The following ZC3H3 variants were observed in gnomAD, a reference collection of about 807,000 sequenced individuals.
ZC3H3 encodes the protein zinc finger CCCH-type containing 3, also known as zinc finger CCCH domain-containing protein 3.
ZC3H3 carries 36 observed loss-of-function variants against 77.3 expected under a neutral mutation model. That is an observed-to-expected ratio of 0.47 (90% CI 0.36 to 0.61). ZC3H3 has a LOEUF of 0.61. ZC3H3 is among the 20% of genes least tolerant of loss of function. The pLI, the probability that ZC3H3 is intolerant of heterozygous loss-of-function variation, is 0.00. For synonymous variants in ZC3H3, 626 were observed against 555.2 expected (o/e 1.13, Z -1.79); for missense variants, 1,331 against 1,312.2 (o/e 1.01, Z -0.22).
At chr8:143,508,037 C>A (rs1450632306) in intron 3 of ZC3H3, 138 bp from the exon 4 acceptor site, 4 of 1,058,492 alleles carry the variant, frequency 3.8e-6, no homozygotes, top group Non-Finnish European at 5.2e-6. Context: ...GTGGATAAAA[C>A]CCTCAACCCA....
Position 143,538,885 on chromosome 8 carries a change from T to G in ZC3H3, c.482A>C (p.Glu161Ala). Residue 161 changes from glutamate to alanine, a missense_variant, in exon 2 of 12, where the codon GAA (glutamate) becomes GCA (alanine). Glu to Ala is a moderately radical substitution (Grantham distance 107). Around this residue, in one of 3 missense-constraint regions of ZC3H3, gnomAD observed 978 missense variants for 915.5 expected, o/e 1.07. Transcript: ENST00000262577. The part of the protein sequence containing the change: ...ETPWSDQRPR[E>A]GEGEPPRGQL... ...TCCCCGAGGGGGCTCACCTTCACCT[T>G]CCCGGGGCCTTTGGTCACTCCAGGG... The G allele has an allele frequency of 6.2e-7, 1 of 1,612,670 alleles. No individual in the cohort carries two copies.
chr8:143,541,308 G>A (rs1823006950), intron 1 of ZC3H3, 68 bp downstream of exon 1: 9 of 1,597,628 alleles, frequency 5.6e-6, no homozygotes, highest in Non-Finnish European at 6.8e-6. Flanking sequence ...TCGACAAGGG[G>A]GCAGGGGACC....
intron 4 of ZC3H3, among the ~76,000 whole-genome samples, chr8:143,477,214 C>T (rs558747760): frequency 2.0e-5 from 3 of 152,198 alleles, no homozygotes; most frequent in South Asian, 2.1e-4. Context: ...AGCCCGGTGC[C>T]GGGGATGGGA....
intron 3 of ZC3H3, among the ~76,000 whole-genome samples, chr8:143,521,563 T>G (rs1180186625): frequency 6.6e-6 from 1 of 152,160 alleles, no homozygotes; most frequent in Non-Finnish European, 1.5e-5. Context: ...AAGCCACGCC[T>G]GCAACCCTCC....
rs73715611 is a variant in ZC3H3 at position 143,477,759 on chromosome 8, C to G, written c.1716-2174G>C. On this transcript the variant is annotated intron_variant, in intron 4 of 11. Transcript: ENST00000262577. ...CAGTCAGGCTGAGCCCAGGGCCCTG[C>G]ACCAGCCCCACAGTACTCACAGGCC... Among the ~76,000 whole-genome samples the G allele has an allele frequency of 3.8e-3, 573 of 152,340 alleles. 5 individuals are homozygous for G. Among genetic ancestry groups the G allele is most frequent in the African/African-American group, 0.013 (530 of 41,574 alleles).
intron 9 of ZC3H3, among the ~76,000 whole-genome samples, chr8:143,461,332 T>C (rs1820256596): frequency 6.6e-6 from 1 of 151,520 alleles, no homozygotes; most frequent in Non-Finnish European, 1.5e-5. Context: ...CCAGAACGGG[T>C]GTGCCAGAAA....
At position 143,462,240 on chromosome 8, in the gene ZC3H3, A is replaced by G. The variant is rs1293692144; in HGVS notation, c.2307+3477T>C. 2.0e-5 allele frequency among the ~76,000 whole-genome samples: 3 copies of G among 152,158 alleles called. No individual in the cohort carries two copies. The highest frequency in any genetic ancestry group is 7.2e-5 in the African/African-American group (3 of 41,444). On this transcript the variant is annotated intron_variant, in intron 9 of 11. Coordinates refer to ENST00000262577, the MANE Select transcript of ZC3H3 (RefSeq NM_015117.3). This position sits in a 1 kb window ranked among gnomAD's most constrained non-coding sequence, Gnocchi z 4.7. The stretch of plus-strand genomic sequence containing the variant: ...CGTTATCCCGACTGTATATAAAAGG[A>G]GACTGAGGCCAGAGGAGGAAGTAAC...
At chr8:143,479,182 G>C (rs1343218423) in intron 4 of ZC3H3, among the ~76,000 whole-genome samples, 2 of 152,234 alleles carry the variant, frequency 1.3e-5, no homozygotes, top group African/African-American at 4.8e-5. Context: ...GAGCTGTCTA[G>C]GGTTGCCCTC....
At chr8:143,446,870 T>A (rs1819874117) in intron 9 of ZC3H3, among the ~76,000 whole-genome samples, 1 of 152,228 alleles carries the variant, frequency 6.6e-6, no homozygotes, top group Admixed American at 6.6e-5. Flanking sequence ...TGTCTTCAGA[T>A]AACTAATTGG....
chr8:143,495,062 G>A (rs1821309667), intron 4 of ZC3H3, among the ~76,000 whole-genome samples: 1 of 152,206 alleles, frequency 6.6e-6, no homozygotes, highest in African/African-American at 2.4e-5. Flanking sequence ...GTCAGCAGAT[G>A]TCTTACGTCC....
chr8:143,497,496 C>T (rs996768325), intron 4 of ZC3H3, among the ~76,000 whole-genome samples: 1 of 152,208 alleles, frequency 6.6e-6, no homozygotes, highest in African/African-American at 2.4e-5. Flanking sequence ...GTACCACCTC[C>T]GACAGGCAAC....
intron 9 of ZC3H3, among the ~76,000 whole-genome samples, chr8:143,464,806 G>C (rs1319304119): frequency 1.3e-5 from 2 of 152,150 alleles, no homozygotes; most frequent in Admixed American, 1.3e-4. Flanking sequence ...AGCATCTCCA[G>C]GTCCCCCAGC....
At chr8:143,509,056 C>T (rs567488453) in intron 3 of ZC3H3, among the ~76,000 whole-genome samples, 2 of 152,266 alleles carry the variant, frequency 1.3e-5, no homozygotes, top group South Asian at 4.1e-4. Flanking sequence ...GTCCAGATGT[C>T]AGCAAAGAGC....
At chr8:143,451,073 G>A (rs753270445) in intron 9 of ZC3H3, among the ~76,000 whole-genome samples, 19 of 152,184 alleles carry the variant, frequency 1.2e-4, no homozygotes, top group East Asian at 5.8e-4. Context: ...GGGGGACTGC[G>A]GGTGCCCACA....
chr8:143,479,366 G>C (rs1479385403), intron 4 of ZC3H3, among the ~76,000 whole-genome samples: 3 of 152,160 alleles, frequency 2.0e-5, no homozygotes, highest in African/African-American at 7.2e-5. Flanking sequence ...GCATTGAGAA[G>C]GGGGATGAAA....
intron 8 of ZC3H3, among the ~76,000 whole-genome samples, 192 bp from the exon 9 acceptor site, chr8:143,466,040 G>A (rs1388021891): frequency 6.6e-6 from 1 of 152,180 alleles, no homozygotes; most frequent in Admixed American, 6.5e-5. Flanking sequence ...GCCTCCCCAG[G>A]TGAGCCACAC....
At chr8:143,500,769 A>G (rs1821500605) in intron 4 of ZC3H3, among the ~76,000 whole-genome samples, 1 of 150,604 alleles carries the variant, frequency 6.6e-6, no homozygotes, top group Non-Finnish European at 1.5e-5. Context: ...CTCACAGCCA[A>G]TCACCTCTCA....
chr8:143,470,419 C>T (rs1051736362), intron 5 of ZC3H3, among the ~76,000 whole-genome samples: 5 of 152,158 alleles, frequency 3.3e-5, no homozygotes, highest in Admixed American at 2.0e-4. Flanking sequence ...TGCGGAGGGA[C>T]CAACGCGGGG....
Position 143,468,678 on chromosome 8 carries a change from C to A in ZC3H3, c.1904-19G>T, listed in dbSNP as rs373289184. The A allele has an allele frequency of 1.3e-6, 2 of 1,544,958 alleles. No individual in the cohort carries two copies. Among genetic ancestry groups the A allele is most frequent in the African/African-American group, 2.7e-5 (2 of 72,754 alleles). On this transcript the variant is annotated intron_variant, in intron 5 of 11. Coordinates refer to ENST00000262577, the MANE Select transcript of ZC3H3 (RefSeq NM_015117.3). ...AGCCGGCCTGTGGGGGAGAGAGGCACGGGTCATAGCAGGCCACAGCCTGGC... is the reference window on the plus strand; with the variant it reads ...AGCCGGCCTGTGGGGGAGAGAGGCAAGGGTCATAGCAGGCCACAGCCTGGC...
Sources: allele counts gnomAD v4.1 joint callset (sites outside exome capture counted in the v4.1 genomes callset), GRCh38; gene constraint gnomAD v4.1.1; regional missense constraint gnomAD v4.1.1; non-coding constraint Gnocchi (gnomAD v3.1); transcripts MANE v1.5; gene names NCBI Gene and HGNC (gene_info 2026-07-23, HGNC 2026-07-21).